The following CAPN9 variants were observed in gnomAD, a reference collection of about 807,000 sequenced individuals.
CAPN9 encodes the protein calpain-9.
In CAPN9, 81 loss-of-function variants were observed where a neutral mutation model predicts 92.8. The observed-to-expected ratio is 0.87, with a 90% CI of 0.73 to 1.05. CAPN9 has a LOEUF of 1.05. Ranked by LOEUF, CAPN9 falls within the 50% of genes least tolerant of loss-of-function variation. The pLI is 0.00. For synonymous variants in CAPN9, 304 were observed against 328.0 expected (o/e 0.93, Z 0.79); for missense variants, 848 against 866.2 (o/e 0.98, Z 0.26).
At chr1:230,749,592 G>A (rs897852418) in intron 1 of CAPN9, among the ~76,000 whole-genome samples, 1 of 152,202 alleles carries the variant, frequency 6.6e-6, no homozygotes. Context: ...GGTGAGCAGA[G>A]CCCCTGGCCA....
Position 230,747,636 on chromosome 1 carries a change from A to T in CAPN9, c.140A>T (p.Asp47Val), listed in dbSNP as rs1299994724. 6 of 1,613,942 alleles carry T rather than the reference A, an allele frequency of 3.7e-6. No homozygotes were observed. Among genetic ancestry groups the T allele is most frequent in the Middle Eastern group, 1.6e-4 (1 of 6,084 alleles). ...AGAGGCACCCTGTTTGAGGATGCAGACTTCCCAGCCAGCAATTCCTCCCTG... is the reference window on the plus strand; with the variant it reads ...AGAGGCACCCTGTTTGAGGATGCAGTCTTCCCAGCCAGCAATTCCTCCCTG... ...LQRGTLFEDA[D>V]FPASNSSLFY... The change falls in exon 1 of 20, where the codon GAC becomes GTC. Residue 47 changes from aspartate (D) to valine (V), a missense_variant. By Grantham distance (152) the Asp-to-Val change is radical (BLOSUM62 -3). Coordinates refer to ENST00000271971, the MANE Select transcript of CAPN9 (RefSeq NM_006615.3).
intron 6 of CAPN9, among the ~76,000 whole-genome samples, chr1:230,771,115 T>G (rs1666362936): frequency 6.6e-6 from 1 of 152,182 alleles, no homozygotes; most frequent in Non-Finnish European, 1.5e-5. Flanking sequence ...TTGATTTTGC[T>G]TCCTCTCCCC....
intron 7 of CAPN9, among the ~76,000 whole-genome samples, chr1:230,772,697 G>T (rs377031783): frequency 1.3e-5 from 2 of 150,082 alleles, no homozygotes; most frequent in African/African-American, 4.9e-5. Context: ...AGCTATGATT[G>T]CACCACTGCA....
intron 5 of CAPN9, among the ~76,000 whole-genome samples, chr1:230,767,984 G>A (rs1308284847): frequency 1.3e-5 from 2 of 149,174 alleles, no homozygotes. Context: ...TGCACGTTGT[G>A]CACATGTACC....
At chr1:230,781,474 C>T (rs535535297) in intron 11 of CAPN9, among the ~76,000 whole-genome samples, 5 of 152,316 alleles carry the variant, frequency 3.3e-5, no homozygotes. Flanking sequence ...AAATCTGCCT[C>T]TCATTTTACA....
intron 4 of CAPN9, among the ~76,000 whole-genome samples, chr1:230,767,101 C>G (rs1272721129): frequency 1.3e-5 from 2 of 152,202 alleles, no homozygotes; most frequent in African/African-American, 2.4e-5. Context: ...AAGGGCCTCT[C>G]TCTATCCACA....
chr1:230,762,011 A>G (rs549092854), intron 3 of CAPN9, among the ~76,000 whole-genome samples: 1 of 152,326 alleles, frequency 6.6e-6, no homozygotes, highest in South Asian at 2.1e-4. Flanking sequence ...AATAAACCAC[A>G]AACAGTGCAC....
intron 4 of CAPN9, among the ~76,000 whole-genome samples, chr1:230,765,054 T>C (rs1665885099): frequency 6.6e-6 from 1 of 152,148 alleles, no homozygotes; most frequent in African/African-American, 2.4e-5. Context: ...TCTAAGATCA[T>C]TCTTCAATCA....
chr1:230,792,778 C>A, intron 16 of CAPN9, 72 bp from the exon 17 acceptor site: 2 of 1,299,208 alleles, frequency 1.5e-6, no homozygotes, highest in Non-Finnish European at 2.2e-6. Flanking sequence ...GGCTGGCTGT[C>A]ACCCATTTAC....
rs760172395 is a variant in CAPN9, at chr1:230,780,706, C to T, written c.1479C>T (p.Thr493=). ...LRIFSEKKAI[T]RDMDGNVDID... Reference sequence around the variant, plus strand: ...TCTTTTCAGAGAAAAAAGCCATTACCCGGTGAGTCAGAGGAACAGCTTCCA... The same window carrying T: ...TCTTTTCAGAGAAAAAAGCCATTACTCGGTGAGTCAGAGGAACAGCTTCCA... The change falls in exon 11 of 20, where the codon ACC becomes ACT. Residue 493 remains threonine, a splice_region_variant and synonymous_variant. Coordinates refer to ENST00000271971, the MANE Select transcript of CAPN9 (RefSeq NM_006615.3). 1.9e-6 allele frequency: 3 copies of T among 1,613,614 alleles called. No individual in the cohort carries two copies. Among genetic ancestry groups the T allele is most frequent in the South Asian group, 1.1e-5 (1 of 91,056 alleles).
At position 230,762,656 on chromosome 1, in the gene CAPN9, T is replaced by G. The variant is rs1479223513; in HGVS notation, c.406T>G (p.Trp136Gly). Residue 136 changes from tryptophan to glycine, a missense_variant, in exon 4 of 20, where the codon TGG (tryptophan) becomes GGG (glycine). Physicochemically the swap from Trp to Gly is radical, Grantham distance 184 (BLOSUM62 -2). Transcript: ENST00000271971. ...GYAGIFHFQF[W>G]QHSEWLDVVI... Reference sequence around the variant, plus strand: ...CTGTCTTTTTCCTGGGCAACAGTTCTGGCAGCACAGTGAGTGGCTGGACGT... The same window carrying G: ...CTGTCTTTTTCCTGGGCAACAGTTCGGGCAGCACAGTGAGTGGCTGGACGT... 1 of 1,613,930 alleles carries G rather than the reference T, an allele frequency of 6.2e-7. No individual in the cohort carries two copies. The highest frequency in any genetic ancestry group is 8.5e-7 in the Non-Finnish European group (1 of 1,179,940).
intron 18 of CAPN9, among the ~76,000 whole-genome samples, chr1:230,796,695 CCGT>C (rs1254869850): frequency 1.3e-5 from 2 of 152,148 alleles, no homozygotes; most frequent in African/African-American, 4.8e-5. Flanking sequence ...GAAACAGAAT[CCGT>C]TATTAGACTT....
intron 18 of CAPN9, among the ~76,000 whole-genome samples, chr1:230,796,415 C>G (rs1668363524): frequency 6.6e-6 from 1 of 151,684 alleles, no homozygotes; most frequent in Admixed American, 6.6e-5. Flanking sequence ...AGGGCTGTGA[C>G]CCTTGGTTAT....
intron 6 of CAPN9, among the ~76,000 whole-genome samples, chr1:230,769,665 CT>C (rs141376519): frequency 0.097 from 9,012 of 93,022 alleles, 322 homozygotes; most frequent in Non-Finnish European, 0.11. Context: ...ATCTATCTAT[CT>C]ATCTATCTAT....
intron 17 of CAPN9, among the ~76,000 whole-genome samples, chr1:230,794,109 C>G (rs188819044): frequency 3.5e-4 from 53 of 152,240 alleles, no homozygotes; most frequent in Admixed American, 3.4e-3. Context: ...TCTGAACAAT[C>G]CTGTGAACAC....
At chr1:230,784,120 C>T (rs1018181146) in intron 11 of CAPN9, among the ~76,000 whole-genome samples, 1 of 152,162 alleles carries the variant, frequency 6.6e-6, no homozygotes, top group Admixed American at 6.5e-5. Context: ...GACCTGGCTG[C>T]TTCTAACAAC....
intron 2 of CAPN9, among the ~76,000 whole-genome samples, chr1:230,759,224 A>G (rs935861913): frequency 2.6e-5 from 4 of 152,204 alleles, no homozygotes; most frequent in Non-Finnish European, 5.9e-5. Context: ...GAGTTGCTGG[A>G]ATTCACAGAG....
chr1:230,766,588 A>C (rs1665998454), intron 4 of CAPN9, among the ~76,000 whole-genome samples: 1 of 152,186 alleles, frequency 6.6e-6, no homozygotes, highest in African/African-American at 2.4e-5. Context: ...ATATGTGAGG[A>C]CTCAGTGCAG....
chr1:230,754,094 C>A (rs1665048621), intron 1 of CAPN9, among the ~76,000 whole-genome samples: 1 of 150,286 alleles, frequency 6.7e-6, no homozygotes, highest in African/African-American at 2.5e-5. Context: ...TGGGTGAGGC[C>A]AGGGCTGAGG....
Sources: allele counts gnomAD v4.1 joint callset (sites outside exome capture counted in the v4.1 genomes callset), GRCh38; gene constraint gnomAD v4.1.1; transcripts MANE v1.5; gene names NCBI Gene and HGNC (gene_info 2026-07-23, HGNC 2026-07-21).